Variants in PKP4 observed in about 807,000 individuals in gnomAD.
The protein encoded by PKP4 is plakophilin-4.
Under a neutral mutation model 145.1 loss-of-function variants are expected in PKP4, and 90 were observed. The observed-to-expected ratio is 0.62, with a 90% confidence interval of 0.52 to 0.74. The LOEUF (loss-of-function observed/expected upper bound fraction) is 0.74, where lower values mean the gene tolerates loss of function less well. Among genes scored for constraint, PKP4 ranks in the 30% least tolerant of loss-of-function variants. The pLI, the probability that PKP4 is intolerant of heterozygous loss-of-function variation, is 0.00. For synonymous variants in PKP4, 563 were observed against 577.2 expected (o/e 0.98, Z 0.35); for missense variants, 1,340 against 1,482.7 (o/e 0.90, Z 1.58).
rs139738633 is a variant in PKP4 at position 158,490,841 on chromosome 2, G to A, written c.-6+33623G>A. On this transcript the variant is annotated intron_variant, in intron 1 of 21. Transcript: ENST00000389759. ...ATTCTTTAGTTGGATGTTAGGGAGG[G>A]TTGAGCTGTTCATGTATCTCCATTG... 5.5e-3 allele frequency among the ~76,000 whole-genome samples: 830 copies of A among 152,214 alleles called. 2 individuals carry two copies. The highest frequency in any genetic ancestry group is 0.018 in the African/African-American group (763 of 41,514).
intron 1 of PKP4, among the ~76,000 whole-genome samples, chr2:158,474,098 T>C (rs996033558): frequency 6.6e-6 from 1 of 152,140 alleles, no homozygotes; most frequent in Non-Finnish European, 1.5e-5. Context: ...CCAGAACAAT[T>C]GTTTTACTTC....
chr2:158,578,290 ATC>A (rs72184107), intron 3 of PKP4: 34,927 of 175,660 alleles, frequency 0.2, 4,467 homozygotes, highest in Non-Finnish European at 0.27. Flanking sequence ...TGAATTTTTC[ATC>A]TCTCTTAACA....
chr2:158,575,379 A>G (rs1037116024), intron 2 of PKP4, among the ~76,000 whole-genome samples: 1 of 152,198 alleles, frequency 6.6e-6, no homozygotes, highest in African/African-American at 2.4e-5. Flanking sequence ...GGAAGGAATT[A>G]TGAGAAATTC....
At chr2:158,558,774 A>T (rs1344056155) in intron 2 of PKP4, among the ~76,000 whole-genome samples, 1 of 152,168 alleles carries the variant, frequency 6.6e-6, no homozygotes, top group African/African-American at 2.4e-5. Flanking sequence ...GGAAATACAT[A>T]AAGAGGAGAA....
At chr2:158,530,908 T>G (rs1458056157) in intron 1 of PKP4, among the ~76,000 whole-genome samples, 2 of 152,170 alleles carry the variant, frequency 1.3e-5, no homozygotes, top group Non-Finnish European at 2.9e-5. Context: ...TTAGTTTCTT[T>G]TACACAGTTA....
At chr2:158,566,521 A>G (rs13399559) in intron 2 of PKP4, among the ~76,000 whole-genome samples, 22,874 of 151,556 alleles carry the variant, frequency 0.15, 1,969 homozygotes, top group Middle Eastern at 0.25. Flanking sequence ...TTAAGTCATT[A>G]CTAGTTTTTG....
chr2:158,615,122 GT>G (rs2105879116), intron 4 of PKP4, among the ~76,000 whole-genome samples: 1 of 151,862 alleles, frequency 6.6e-6, no homozygotes, highest in Admixed American at 6.6e-5. Flanking sequence ...TTTTAAGAAG[GT>G]TTTTTTGGTT....
At chr2:158,594,200 G>A (rs185382273) in intron 3 of PKP4, among the ~76,000 whole-genome samples, 2 of 152,142 alleles carry the variant, frequency 1.3e-5, no homozygotes, top group Non-Finnish European at 2.9e-5. Context: ...ACTGGTGGAA[G>A]GCAACTCAAG....
At chr2:158,488,624 C>A (rs766582313) in intron 1 of PKP4, among the ~76,000 whole-genome samples, 1 of 152,154 alleles carries the variant, frequency 6.6e-6, no homozygotes, top group African/African-American at 2.4e-5. Context: ...AAGATAGCCT[C>A]CAGTGATCCC....
chr2:158,578,094 TTAC>T (rs1357365066), intron 3 of PKP4: 2 of 171,200 alleles, frequency 1.2e-5, no homozygotes, highest in African/African-American at 4.8e-5. Context: ...TTTGATCTGC[TTAC>T]ACTTAGGTAG....
chr2:158,477,572 G>T (rs541417679), intron 1 of PKP4, among the ~76,000 whole-genome samples: 3 of 152,154 alleles, frequency 2.0e-5, no homozygotes, highest in East Asian at 1.9e-4. Context: ...GATAGACCCC[G>T]TAAAGAAGAA....
intron 4 of PKP4, among the ~76,000 whole-genome samples, chr2:158,616,499 G>GC (rs11408496): frequency 1 from 152,269 of 152,272 alleles, 76,133 homozygotes; most frequent in Middle Eastern, 1. Context: ...ACAAAATGTT[G>GC]CCCTCTGGGT....
At chr2:158,508,759 G>C (rs2041237384) in intron 1 of PKP4, among the ~76,000 whole-genome samples, 1 of 152,178 alleles carries the variant, frequency 6.6e-6, no homozygotes, top group Admixed American at 6.5e-5. Context: ...TGCGTAAACA[G>C]ATGGTACTGT....
At chr2:158,582,837 G>C (rs1373063663) in intron 3 of PKP4, among the ~76,000 whole-genome samples, 2 of 152,150 alleles carry the variant, frequency 1.3e-5, no homozygotes, top group African/African-American at 4.8e-5. Flanking sequence ...CTACAGCTTG[G>C]CTCCAGGATA....
intron 2 of PKP4, among the ~76,000 whole-genome samples, chr2:158,545,292 G>A (rs1295963040): frequency 6.6e-6 from 1 of 151,656 alleles, no homozygotes; most frequent in Non-Finnish European, 1.5e-5. Flanking sequence ...TGTCCTTTTT[G>A]CACTTTCTGT....
chr2:158,522,362 GTCATAC>G (rs2042453028), intron 1 of PKP4, among the ~76,000 whole-genome samples: 1 of 152,164 alleles, frequency 6.6e-6, no homozygotes. Flanking sequence ...ACCTTCAGAA[GTCATAC>G]TAGAGTATAT....
chr2:158,667,995 A>G (rs768526897), intron 16 of PKP4, among the ~76,000 whole-genome samples: 3 of 152,248 alleles, frequency 2.0e-5, no homozygotes, highest in African/African-American at 7.2e-5. Context: ...GTCATATTTC[A>G]CAACGCAAAG....
At chr2:158,476,396 G>T (rs1156859639) in intron 1 of PKP4, among the ~76,000 whole-genome samples, 1 of 152,072 alleles carries the variant, frequency 6.6e-6, no homozygotes, top group African/African-American at 2.4e-5. Flanking sequence ...AGTGGTGTGA[G>T]TATAGCTCAC....
At chr2:158,653,822 T>C (rs1446369414) in intron 11 of PKP4, among the ~76,000 whole-genome samples, 1 of 152,236 alleles carries the variant, frequency 6.6e-6, no homozygotes, top group Non-Finnish European at 1.5e-5. Context: ...CCTACAGCTC[T>C]TCATTTTCTC....
Sources: gnomAD v4.1 joint callset for allele counts (sites outside exome capture counted in the v4.1 genomes callset) on GRCh38, gnomAD v4.1.1 for gene constraint, MANE v1.5 for transcripts, NCBI Gene and HGNC (gene_info 2026-07-23, HGNC 2026-07-21) for gene names.